ARHGAP12: variants seen among roughly 807,000 people sequenced by gnomAD.
ARHGAP12 encodes rho GTPase-activating protein 12.
Under a neutral mutation model 108.6 loss-of-function variants are expected in ARHGAP12, and 64 were observed. That is an observed-to-expected ratio of 0.59 (90% CI 0.48 to 0.73). The LOEUF (loss-of-function observed/expected upper bound fraction) is 0.73. Ranked by LOEUF, ARHGAP12 falls within the 30% of genes least tolerant of loss-of-function variation. ARHGAP12 has a pLI of 0.00. For synonymous variants in ARHGAP12, 312 were observed against 337.2 expected, an observed-to-expected ratio of 0.93 and a Z score of 0.82; for missense variants, 940 against 1,005.9, an observed-to-expected ratio of 0.93 and a Z score of 0.89.
chr10:31,920,683 T>C (rs1460638707), intron 1 of ARHGAP12, among the ~76,000 whole-genome samples: 1 of 150,002 alleles, frequency 6.7e-6, no homozygotes, highest in Non-Finnish European at 1.5e-5. Flanking sequence ...TTTTTGTTTT[T>C]GTTTTAAAAA....
chr10:31,903,130 G>A (rs575149677), intron 3 of ARHGAP12, among the ~76,000 whole-genome samples: 1 of 152,298 alleles, frequency 6.6e-6, no homozygotes, highest in East Asian at 1.9e-4. Flanking sequence ...AAATGTAACA[G>A]TCAATTTCAT....
At chr10:31,838,621 G>A (rs898998331) in intron 9 of ARHGAP12, among the ~76,000 whole-genome samples, 1 of 152,026 alleles carries the variant, frequency 6.6e-6, no homozygotes, top group African/African-American at 2.4e-5. Flanking sequence ...CTTGAGGGCA[G>A]GAGTTTGAGA....
chr10:31,878,952 TTTAACA>T (rs541172739), intron 3 of ARHGAP12, among the ~76,000 whole-genome samples: 16 of 152,344 alleles, frequency 1.1e-4, no homozygotes, highest in African/African-American at 2.9e-4. Context: ...TTGCCATCCC[TTTAACA>T]TTAAGAGTCC....
Position 31,843,504 on chromosome 10 carries a change from G to A in ARHGAP12, c.1253C>T (p.Thr418Ile), listed in dbSNP as rs200967453. ...TACAATGGTGCTATGTCTCCACTTT[G>A]TTAATACTATTGGTTCTTGCAGCCG... ...DRRLQEPIVL[T>I]KWRHSTIVLD... The change falls in exon 7 of 20, where the codon ACA becomes ATA. Residue 418 changes from threonine (T) to isoleucine (I), a missense_variant. Physicochemically the swap from Thr to Ile is moderately conservative, Grantham distance 89 (BLOSUM62 -1). Transcript: ENST00000344936. 1.4e-5 allele frequency: 22 copies of A among 1,613,012 alleles called. No homozygotes were observed. In the African/African-American group the frequency reaches 1.7e-4, roughly 13 times the overall value.
At chr10:31,863,110 A>G (rs1372076921) in intron 3 of ARHGAP12, among the ~76,000 whole-genome samples, 2 of 152,312 alleles carry the variant, frequency 1.3e-5, no homozygotes, top group South Asian at 2.1e-4. Context: ...CTTCTTACAC[A>G]TGGTAGTTAT....
chr10:31,854,086 T>C lies in ARHGAP12; in HGVS notation c.1069A>G (p.Ser357Gly). 1 of 1,610,052 alleles carries C rather than the reference T, an allele frequency of 6.2e-7. No homozygotes were observed. The highest frequency in any genetic ancestry group is 8.5e-7 in the Non-Finnish European group (1 of 1,178,884). The part of the protein sequence containing the change: ...LDERGHTLYT[S>G]DYTNEKWLKH... The stretch of plus-strand genomic sequence containing the variant: ...TGTACCTTTTCATTAGTATAGTCAC[T>C]GGTATATAAGGTATGCCCACGTTCA... The change falls in exon 5 of 20, where the codon AGT becomes GGT. Residue 357 changes from serine to glycine, a missense_variant. Physicochemically the swap from Ser to Gly is moderately conservative, Grantham distance 56 (BLOSUM62 0). Coordinates refer to ENST00000344936, the MANE Select transcript of ARHGAP12 (RefSeq NM_018287.7).
intron 3 of ARHGAP12, among the ~76,000 whole-genome samples, chr10:31,895,570 A>G (rs954184730): frequency 3.3e-5 from 5 of 152,216 alleles, no homozygotes; most frequent in Admixed American, 6.5e-5. Flanking sequence ...TAGAATGGCG[A>G]TCATTAAAAA....
intron 14 of ARHGAP12, among the ~76,000 whole-genome samples, chr10:31,813,612 G>A (rs1324879247): frequency 6.8e-6 from 1 of 147,418 alleles, no homozygotes; most frequent in East Asian, 2.0e-4. Flanking sequence ...TAATCATTCA[G>A]TTAATATGAA....
At chr10:31,829,338 G>A (rs1256192323) in intron 10 of ARHGAP12, among the ~76,000 whole-genome samples, 2 of 152,186 alleles carry the variant, frequency 1.3e-5, no homozygotes, top group African/African-American at 4.8e-5. Context: ...GGGGGATGGA[G>A]GAAGAGGGAA....
At chr10:31,899,006 T>C (rs1213477170) in intron 3 of ARHGAP12, among the ~76,000 whole-genome samples, 1 of 152,196 alleles carries the variant, frequency 6.6e-6, no homozygotes, top group East Asian at 1.9e-4. Context: ...GCAGTACTGA[T>C]ACATGCTACA....
At chr10:31,819,138 TA>T (rs1835318013) in intron 12 of ARHGAP12, among the ~76,000 whole-genome samples, 2 of 151,530 alleles carry the variant, frequency 1.3e-5, no homozygotes, top group African/African-American at 4.8e-5. Context: ...TATTTTTAAA[TA>T]AATATTTATT....
chr10:31,869,398 G>A (rs1837454515), intron 3 of ARHGAP12, among the ~76,000 whole-genome samples: 1 of 152,084 alleles, frequency 6.6e-6, no homozygotes. Flanking sequence ...TTAGCCAGGT[G>A]TGGTGGTGGG....
Position 31,879,273 on chromosome 10 carries a change from G to A in ARHGAP12, c.685-17615C>T, listed in dbSNP as rs115670534. On this transcript the variant is annotated intron_variant, in intron 3 of 19. Coordinates refer to ENST00000344936, the MANE Select transcript of ARHGAP12 (RefSeq NM_018287.7). The stretch of plus-strand genomic sequence containing the variant: ...AAAAAAATACAAAAATTAGCTAGGC[G>A]TGGTGGCACACCCCTGTGTTCCCAG... 8.5e-3 allele frequency among the ~76,000 whole-genome samples: 1,296 copies of A among 152,132 alleles called. 25 individuals carry two copies. The highest frequency in any genetic ancestry group is 0.029 in the African/African-American group (1,222 of 41,502).
intron 2 of ARHGAP12, 107 bp from the exon 3 acceptor site, chr10:31,909,033 C>T: frequency 1.7e-6 from 1 of 602,222 alleles, no homozygotes. Context: ...AAGAACATTA[C>T]TTCAAATCTC....
rs191126808 is a variant in ARHGAP12 at position 31,851,736 on chromosome 10, G to A, written c.1170+781C>T. ...CTTGTAGTCAATGTAGTAACATCTA[G>A]TCATTTTTTCTATATCCATGTTTCA... On this transcript the variant is annotated intron_variant, in intron 6 of 19. Transcript: ENST00000344936. Among the ~76,000 whole-genome samples, 5 of 152,094 alleles carry A rather than the reference G, an allele frequency of 3.3e-5. No homozygotes were observed. The East Asian group carries it at 7.8e-4, about 24-fold the overall frequency.
In ARHGAP12 at chr10:31,831,979, G is replaced by A. The variant is rs182800217; in HGVS notation, c.1387-179C>T. Among the ~76,000 whole-genome samples the A allele has an allele frequency of 3.6e-3, 552 of 152,208 alleles. 5 individuals are homozygous for A. The highest frequency in any genetic ancestry group is 0.012 in the African/African-American group (513 of 41,556). On this transcript the variant is annotated intron_variant, in intron 9 of 19. Coordinates refer to ENST00000344936, the MANE Select transcript of ARHGAP12 (RefSeq NM_018287.7). ...AGAATATAACTTTCCTAATACTTTTGTAGTTTTTTCTTAATTTTATAATTA... is the reference window on the plus strand; with the variant it reads ...AGAATATAACTTTCCTAATACTTTTATAGTTTTTTCTTAATTTTATAATTA...
Position 31,809,222 on chromosome 10 carries a change from A to C in ARHGAP12, c.2128+8T>G. 1 of 1,613,814 alleles carries C rather than the reference A, an allele frequency of 6.2e-7. No homozygotes were observed. The highest frequency in any genetic ancestry group is 8.5e-7 in the Non-Finnish European group (1 of 1,179,804). On this transcript the variant is annotated splice_region_variant and intron_variant, in intron 17 of 19. Transcript: ENST00000344936. ...GCATCTGAATAACAACAGTAAATAT[A>C]ATCTTACCATGATTGACTGCAAACC...
chr10:31,888,916 T>C (rs1168516628), intron 3 of ARHGAP12, among the ~76,000 whole-genome samples: 1 of 93,714 alleles, frequency 1.1e-5, no homozygotes, highest in Non-Finnish European at 2.5e-5. Flanking sequence ...ATAAGAGGAC[T>C]TTTTTTTTTT....
intron 3 of ARHGAP12, among the ~76,000 whole-genome samples, chr10:31,869,167 CA>C (rs1174261825): frequency 6.6e-6 from 1 of 152,002 alleles, no homozygotes; most frequent in African/African-American, 2.4e-5. Flanking sequence ...AAATAAAAAT[CA>C]GCTTTCTAAC....
Sources: gnomAD v4.1 joint callset for allele counts (sites outside exome capture counted in the v4.1 genomes callset) on GRCh38, gnomAD v4.1.1 for gene constraint, MANE v1.5 for transcripts, NCBI Gene and HGNC (gene_info 2026-07-23, HGNC 2026-07-21) for gene names.